The following CROCC2 variants were observed in gnomAD, a reference collection of about 807,000 sequenced individuals.
CROCC2 encodes ciliary rootlet coiled-coil protein 2.
CROCC2 carries 163 observed loss-of-function variants against 177.6 expected under a neutral mutation model. The observed-to-expected ratio is 0.92, with a 90% CI of 0.81 to 1.05. The LOEUF (loss-of-function observed/expected upper bound fraction) is 1.05. CROCC2 is among the 50% of genes least tolerant of loss of function. The pLI, the probability that CROCC2 is intolerant of heterozygous loss-of-function variation, is 0.00. For missense variants in CROCC2, 1,929 were observed against 1,797.8 expected (o/e 1.07, Z -1.32); for synonymous variants, 904 against 787.3 (o/e 1.15, Z -2.48).
chr2:240,933,943 T>C lies in CROCC2; in HGVS notation c.1646+91T>C, dbSNP rs1015726549. ...GCCACTTGGCCTTGGGCCACGGGTC[T>C]GCTTTTTCACCTGTCTCATCTCAGG... On this transcript the variant is annotated intron_variant, in intron 11 of 31. Coordinates refer to ENST00000690015, the MANE Select transcript of CROCC2 (RefSeq NM_001351305.2). The C allele has an allele frequency of 1.2e-5, 17 of 1,367,946 alleles. No individual in the cohort carries two copies. In the South Asian group the frequency reaches 1.5e-4, roughly 12 times the overall value. 84.7% of individuals were successfully genotyped at this position (1,367,946 alleles called of 1,614,324 possible).
At chr2:240,983,338 G>T in intron 28 of CROCC2, 1 of 1,272,760 alleles carries the variant, frequency 7.9e-7, no homozygotes, top group Non-Finnish European at 1.0e-6. Context: ...ATAAGTTGAG[G>T]CCAGAGCCAG....
At chr2:240,968,365 G>A in intron 27 of CROCC2, 103 bp downstream of exon 27, 1 of 1,368,146 alleles carries the variant, frequency 7.3e-7, no homozygotes, top group South Asian at 1.5e-5. Context: ...AGGTGGGAGA[G>A]AGGGGTCTGC....
At chr2:240,930,299 G>A (rs752261120) in intron 6 of CROCC2, 30 bp downstream of exon 6, 3 of 494,690 alleles carry the variant, frequency 6.1e-6, no homozygotes, top group Non-Finnish European at 1.1e-5. Flanking sequence ...CCTGGGGCCA[G>A]GCACCAGGCT....
At chr2:240,987,335 A>G (rs1017740602) in intron 28 of CROCC2, among the ~76,000 whole-genome samples, 1 of 152,122 alleles carries the variant, frequency 6.6e-6, no homozygotes, top group Non-Finnish European at 1.5e-5. Context: ...TAAACCCTTT[A>G]TTGGTGTCTC....
At chr2:240,933,928 C>A in intron 11 of CROCC2, 76 bp downstream of exon 11, 1 of 1,456,014 alleles carries the variant, frequency 6.9e-7, no homozygotes, top group South Asian at 1.3e-5. Context: ...GCCACTTGGC[C>A]TTGGGCCACG....
Position 240,968,135 on chromosome 2 carries a change from G to A in CROCC2, c.4274G>A (p.Arg1425His), listed in dbSNP as rs535263253. The A allele has an allele frequency of 8.1e-4, 1,207 of 1,483,352 alleles. 14 individuals carry two copies. In the South Asian group the frequency reaches 9.3e-3, roughly 11 times the overall value. 91.9% of individuals were successfully genotyped at this position (1,483,352 alleles called of 1,614,324 possible). A position where few individuals can be genotyped will look rare whatever the true frequency, so the allele number is the denominator to read the frequency against. Residue 1425 changes from arginine to histidine, a missense_variant, in exon 27 of 32, where the codon CGC becomes CAC. This residue lies in a region of CROCC2 where 388 missense variants were observed against 352.7 expected (regional missense o/e 1.10). Coordinates refer to ENST00000690015, the MANE Select transcript of CROCC2 (RefSeq NM_001351305.2). ...CACCCTGCTTGCCCCACAGGCCAGC[G>A]CCGGGTGGAGGGCGCGCTGAGCAGC... is the stretch of plus-strand genomic sequence containing the variant. ...KALAEAEEGQ[R>H]RVEGALSSAR...
intron 25 of CROCC2, 92 bp downstream of exon 25, chr2:240,966,501 G>A (rs2059685932): frequency 5.0e-6 from 2 of 398,242 alleles, no homozygotes; most frequent in Non-Finnish European, 8.8e-6. Context: ...CGCGTCCCTG[G>A]GTCTGAGGGT....
At chr2:240,934,304 C>T (rs1182969672) in intron 11 of CROCC2, 27 bp from the exon 12 acceptor site, 19 of 1,546,226 alleles carry the variant, frequency 1.2e-5, no homozygotes, top group Non-Finnish European at 1.7e-5. Context: ...CCTGAGCGAC[C>T]TCCCGCCCTC....
chr2:240,966,032 A>AG (rs1253955899), intron 24 of CROCC2, 39 bp downstream of exon 24: 1 of 1,322,714 alleles, frequency 7.6e-7, no homozygotes, highest in African/African-American at 1.5e-5. Context: ...CCCCTCTCCC[A>AG]GCTCAGTCCC....
At chr2:240,957,858 C>A in intron 19 of CROCC2, 1 of 516,234 alleles carries the variant, frequency 1.9e-6, no homozygotes, top group Non-Finnish European at 2.5e-6. Context: ...CCCCTCCCTC[C>A]TCCCGACCAC....
In CROCC2 at chr2:240,965,970, A is replaced by G. The variant is rs1041360730; in HGVS notation, c.3938A>G (p.Glu1313Gly). ...LQRQSPWASP[E>G]QPGSPTKGSD... is the part of the protein sequence containing the mutation. ...AGACAGAGCCCGTGGGCCTCCCCGG[A>G]GCAGCCTGGTTCCCCCACCAAAGGT... is the stretch of plus-strand genomic sequence containing the variant. The change falls in exon 24 of 32, where the codon GAG becomes GGG. Residue 1313 changes from glutamate to glycine, a missense_variant. This residue lies in a region of CROCC2 where 144 missense variants were observed against 205.2 expected (regional missense o/e 0.70). Transcript: ENST00000690015. The G allele has an allele frequency of 5.1e-6, 7 of 1,380,212 alleles. No individual in the cohort carries two copies. The African/African-American group carries it at 8.9e-5, about 18-fold the overall frequency. The allele number at this position is 1,380,212 out of a possible 1,614,324, so 85.5% of individuals were successfully genotyped here.
chr2:240,944,529 A>C (rs1386531589), intron 14 of CROCC2, among the ~76,000 whole-genome samples: 4 of 152,074 alleles, frequency 2.6e-5, no homozygotes, highest in Non-Finnish European at 5.9e-5. Context: ...GTCTGAACAC[A>C]TTCTTTGTCT....
intron 22 of CROCC2, 63 bp from the exon 23 acceptor site, chr2:240,965,318 G>C: frequency 6.5e-7 from 1 of 1,536,022 alleles, no homozygotes. Context: ...CAGGAGGCAG[G>C]GAGGCTGCCT....
At chr2:240,940,405 C>A (rs1387356001) in intron 14 of CROCC2, among the ~76,000 whole-genome samples, 5 of 152,088 alleles carry the variant, frequency 3.3e-5, no homozygotes, top group African/African-American at 9.7e-5. Context: ...ATAGCCACTT[C>A]CATTTTCTTA....
In CROCC2 at chr2:240,989,785, G is replaced by A. The variant is rs73107884; in HGVS notation, c.4815G>A (p.Glu1605=). Residue 1605 remains glutamate (E), a synonymous_variant, in exon 30 of 32, where the codon GAG becomes GAA. Transcript: ENST00000690015. The stretch of plus-strand genomic sequence containing the variant: ...GGCCGCAGGCCACGCAGGCCCTGGA[G>A]TCCCAAGAATGGACCCACCAGCAGC... ...GARPQATQAL[E]SQEWTHQQQV... is the part of the protein sequence containing the mutation. The A allele has an allele frequency of 7.5e-3, 11,577 of 1,549,874 alleles. 605 individuals are homozygous for A. The African/African-American group carries it at 0.12, about 16-fold the overall frequency.
At chr2:240,975,580 C>T (rs1321201441) in intron 27 of CROCC2, among the ~76,000 whole-genome samples, 1 of 152,170 alleles carries the variant, frequency 6.6e-6, no homozygotes, top group Non-Finnish European at 1.5e-5. Flanking sequence ...GTGCAGCCGG[C>T]AGGACGCTTA....
rs1284754995 is a variant in CROCC2, at chr2:240,960,172, C to T, written c.3087+728C>T. Reference sequence around the variant, plus strand: ...TCGGACCCTTGGCCAAGAGGCCCATCGAGCCATCCACTGAGGCACGGGGAG... The same window carrying T: ...TCGGACCCTTGGCCAAGAGGCCCATTGAGCCATCCACTGAGGCACGGGGAG... On this transcript the variant is annotated intron_variant, in intron 20 of 31. Transcript: ENST00000690015. The surrounding 1 kb of genome is among the most constrained non-coding windows in gnomAD (Gnocchi z 5.0). Among the ~76,000 whole-genome samples the T allele has an allele frequency of 2.6e-5, 4 of 152,262 alleles. No homozygotes were observed. Among genetic ancestry groups the T allele is most frequent in the Non-Finnish European group, 4.4e-5 (3 of 68,048 alleles).
In CROCC2 at chr2:240,933,341, A is replaced by T. The variant is rs1410347434; in HGVS notation, c.1462A>T (p.Arg488Trp). The change falls in exon 10 of 32, where the codon AGG becomes TGG. Residue 488 changes from arginine to tryptophan, a missense_variant and splice_region_variant. Around this residue, in one of 3 missense-constraint regions of CROCC2, gnomAD observed 1,397 missense variants for 1,239.9 expected, o/e 1.13. Transcript: ENST00000690015. ...CCGGGCATCCTGCAAGCTCCTGGGG[A>T]GGTAATGGGGTGAAGGGGTTGCACG... ...QCRASCKLLG[R>W]EKAALEMVVE... The T allele has an allele frequency of 6.6e-7, 1 of 1,515,644 alleles. No individual in the cohort carries two copies. The highest frequency in any genetic ancestry group is 2.0e-5 in the Admixed American group (1 of 48,990). The allele number at this position is 1,515,644 out of a possible 1,614,324, so 93.9% of individuals were successfully genotyped here. A position where few individuals can be genotyped will look rare whatever the true frequency, so the allele number is the denominator to read the frequency against.
chr2:240,938,880 GTTTAT>G (rs2059483101), intron 14 of CROCC2, among the ~76,000 whole-genome samples: 1 of 152,018 alleles, frequency 6.6e-6, no homozygotes, highest in South Asian at 2.1e-4. Context: ...AATTTCATAT[GTTTAT>G]TTTGAGTCAT....
Sources: gnomAD v4.1 joint callset for allele counts (sites outside exome capture counted in the v4.1 genomes callset) on GRCh38, gnomAD v4.1.1 for gene constraint, gnomAD v4.1.1 regional missense constraint, Gnocchi (gnomAD v3.1) non-coding constraint, MANE v1.5 for transcripts, NCBI Gene and HGNC (gene_info 2026-07-23, HGNC 2026-07-21) for gene names.